Variants in DSCAM observed in about 807,000 individuals in gnomAD.
DSCAM encodes DS cell adhesion molecule.
In DSCAM, 47 loss-of-function variants were observed where a neutral mutation model predicts 217.7. That is an observed-to-expected ratio of 0.22 (90% CI 0.17 to 0.28). The LOEUF (loss-of-function observed/expected upper bound fraction) is 0.28, where lower values mean the gene tolerates loss of function less well. Ranked by LOEUF, DSCAM falls within the 10% of genes least tolerant of loss-of-function variation. The pLI, the probability that DSCAM is intolerant of heterozygous loss-of-function variation, is 1.00. For synonymous variants in DSCAM, 1,056 were observed against 1,015.3 expected, an observed-to-expected ratio of 1.04 and a Z score of -0.76; for missense variants, 2,080 against 2,618.3, an observed-to-expected ratio of 0.79 and a Z score of 4.49.
intron 6 of DSCAM, among the ~76,000 whole-genome samples, chr21:40,347,240 A>T (rs904050620): frequency 2.7e-5 from 4 of 148,472 alleles, no homozygotes; most frequent in African/African-American, 7.6e-5. Context: ...AGAGGTTGTG[A>T]TGAGCTGAGA....
At chr21:40,342,650 T>TATATATATA (rs1569074522) in intron 6 of DSCAM, among the ~76,000 whole-genome samples, 1 of 45,470 alleles carries the variant, frequency 2.2e-5, no homozygotes, top group African/African-American at 7.3e-5. Flanking sequence ...ATATATATAT[T>TATATATATA]TTTTTTTTTT....
Position 40,042,498 on chromosome 21 carries a change from C to G in DSCAM, c.5559G>C (p.Glu1853Asp). The G allele has an allele frequency of 6.2e-7, 1 of 1,614,204 alleles. No homozygotes were observed. The highest frequency in any genetic ancestry group is 8.5e-7 in the Non-Finnish European group (1 of 1,180,040). The part of the protein sequence containing the change: ...SSEQLTAGTN[E>D]YTDSLTSSTP... ...TGCTGGAGGTCAGACTGTCCGTGTA[C>G]TCATTTGTCCCTGCCGTCAACTGCT... The change falls in exon 32 of 33, where the codon GAG becomes GAC. Residue 1853 changes from glutamate (E) to aspartate (D), a missense_variant. Coordinates refer to ENST00000400454, the MANE Select transcript of DSCAM (RefSeq NM_001389.5).
chr21:40,144,400 CG>C lies in DSCAM; in HGVS notation c.3259+90del. The C allele has an allele frequency of 6.4e-7, 1 of 1,558,982 alleles. No homozygotes were observed. The highest frequency in any genetic ancestry group is 2.3e-5 in the East Asian group (1 of 44,254). ...TGCAGGTCACTGCAAAGTCGTGGGG[CG>C]GGGGAGTGCGAGGTTGGGGGAGCCC... On this transcript the variant is annotated intron_variant, in intron 17 of 32. Transcript: ENST00000400454. The surrounding 1 kb of genome is among the most constrained non-coding windows in gnomAD (Gnocchi z 4.8).
chr21:40,615,222 C>A (rs1421648512), intron 3 of DSCAM, among the ~76,000 whole-genome samples: 3 of 138,772 alleles, frequency 2.2e-5, no homozygotes, highest in Non-Finnish European at 1.5e-5. Flanking sequence ...GTGGAGGTTG[C>A]AGTGAGCCAA....
chr21:40,631,291 T>A (rs2089688414), intron 3 of DSCAM, among the ~76,000 whole-genome samples: 1 of 152,196 alleles, frequency 6.6e-6, no homozygotes, highest in Admixed American at 6.5e-5. Flanking sequence ...TGCCAGCAAA[T>A]CTCACCGCTT....
At chr21:40,582,901 G>A (rs1185238860) in intron 3 of DSCAM, among the ~76,000 whole-genome samples, 1 of 152,130 alleles carries the variant, frequency 6.6e-6, no homozygotes, top group Admixed American at 6.5e-5. Context: ...CAAAGGAATT[G>A]CCTTTATATG....
At position 40,084,003 on chromosome 21, in the gene DSCAM, G is replaced by A; in HGVS notation, c.4136C>T (p.Pro1379Leu). 1 of 1,609,710 alleles carries A rather than the reference G, an allele frequency of 6.2e-7. No individual in the cohort carries two copies. Among genetic ancestry groups the A allele is most frequent in the Non-Finnish European group, 8.5e-7 (1 of 1,178,756 alleles). Residue 1379 changes from proline to leucine, a missense_variant, in exon 24 of 33, where the codon CCA (proline) becomes CTA (leucine). Physicochemically the swap from Pro to Leu is moderately conservative, Grantham distance 98. Around this residue, in one of 5 missense-constraint regions of DSCAM, gnomAD observed 1,144 missense variants for 1,421.1 expected, o/e 0.81. Coordinates refer to ENST00000400454, the MANE Select transcript of DSCAM (RefSeq NM_001389.5). ...GACTGTAAGCCGAGGCTGATCTGGTGGAACTGGAGAGGAAACAGTTTTTAG... is the reference window on the plus strand; with the variant it reads ...GACTGTAAGCCGAGGCTGATCTGGTAGAACTGGAGAGGAAACAGTTTTTAG... ...EIILNLQVQV[P>L]PDQPRLTVSK... is the part of the protein sequence containing the mutation.
Position 40,012,631 on chromosome 21 carries a change from C to T in DSCAM, c.*403G>A, listed in dbSNP as rs16999177. On this transcript the variant is annotated 3_prime_UTR_variant, in exon 33 of 33. Coordinates refer to ENST00000400454, the MANE Select transcript of DSCAM (RefSeq NM_001389.5). Reference sequence around the variant, plus strand: ...AACGTGACTGAAGTTTTCCCCTGCCCGCAAATCGGTGTTCCTTTTAAATTC... The same window carrying T: ...AACGTGACTGAAGTTTTCCCCTGCCTGCAAATCGGTGTTCCTTTTAAATTC... 3,658 of 153,320 alleles carry T rather than the reference C, an allele frequency of 0.024. 163 individuals are homozygous for T. Among genetic ancestry groups the T allele is most frequent in the African/African-American group, 0.084 (3,481 of 41,562 alleles). The allele number at this position is 153,320 out of a possible 1,614,324, so 9.5% of individuals were successfully genotyped here. A position where few individuals can be genotyped will look rare whatever the true frequency, so the allele number is the denominator to read the frequency against.
At chr21:40,803,541 C>T (rs1027506374) in intron 1 of DSCAM, among the ~76,000 whole-genome samples, 1 of 152,164 alleles carries the variant, frequency 6.6e-6, no homozygotes, top group Non-Finnish European at 1.5e-5. Flanking sequence ...TCACTGATCT[C>T]GGGCCCCCAG....
At position 40,055,759 on chromosome 21, in the gene DSCAM, A is replaced by G; in HGVS notation, c.5001T>C (p.Leu1667=). The change falls in exon 29 of 33, where the codon CTT becomes CTC. Residue 1667 remains leucine (L), a synonymous_variant. Coordinates refer to ENST00000400454, the MANE Select transcript of DSCAM (RefSeq NM_001389.5). ...CCATCGTGTCTCTCTCTTCAATCAA[A>G]AGCTGAGCCCTGGGTATGTCGATGT... is the stretch of plus-strand genomic sequence containing the variant. ...RMHIDIPRAQ[L]LIEERDTMET... 1.2e-6 allele frequency: 2 copies of G among 1,613,612 alleles called. No homozygotes were observed. Among genetic ancestry groups the G allele is most frequent in the Non-Finnish European group, 8.5e-7 (1 of 1,179,556 alleles).
At chr21:40,030,607 CATAGA>C (rs2088502837) in intron 32 of DSCAM, among the ~76,000 whole-genome samples, 1 of 152,104 alleles carries the variant, frequency 6.6e-6, no homozygotes, top group Non-Finnish European at 1.5e-5. Flanking sequence ...CAAACACTCC[CATAGA>C]ATTTTAGGTT....
intron 3 of DSCAM, among the ~76,000 whole-genome samples, chr21:40,394,906 C>T (rs1310259866): frequency 1.3e-5 from 2 of 152,180 alleles, no homozygotes; most frequent in African/African-American, 4.8e-5. Flanking sequence ...GGGTTTAAAA[C>T]TTTAATCCCA....
intron 6 of DSCAM, among the ~76,000 whole-genome samples, chr21:40,345,039 T>C (rs1329681411): frequency 1.3e-5 from 2 of 152,222 alleles, no homozygotes; most frequent in African/African-American, 4.8e-5. Flanking sequence ...TTCTTCTTCC[T>C]TCTCTAATCT....
At chr21:40,305,519 C>T (rs2074063916) in intron 9 of DSCAM, among the ~76,000 whole-genome samples, 1 of 152,084 alleles carries the variant, frequency 6.6e-6, no homozygotes, top group South Asian at 2.1e-4. Context: ...CTTGCCCATG[C>T]CTATGTCCTA....
rs77259643 is a variant in DSCAM at position 40,421,821 on chromosome 21, C to A, written c.509-52576G>T. 7.2e-3 allele frequency among the ~76,000 whole-genome samples: 1,099 copies of A among 152,334 alleles called. 9 individuals carry two copies. The highest frequency in any genetic ancestry group is 0.037 in the Middle Eastern group (11 of 294). On this transcript the variant is annotated intron_variant, in intron 3 of 32. Coordinates refer to ENST00000400454, the MANE Select transcript of DSCAM (RefSeq NM_001389.5). Reference sequence around the variant, plus strand: ...TCTCTGACAGTGTTGAAACAAATAGCTCCTTGGGAGAGGACATTTCTTTTC... The same window carrying A: ...TCTCTGACAGTGTTGAAACAAATAGATCCTTGGGAGAGGACATTTCTTTTC...
intron 3 of DSCAM, among the ~76,000 whole-genome samples, chr21:40,582,383 T>C (rs1377865551): frequency 1.3e-5 from 2 of 152,088 alleles, no homozygotes; most frequent in African/African-American, 4.8e-5. Flanking sequence ...TGGGACAAAA[T>C]ATACAAATAA....
At chr21:40,354,848 CAAAAAAAAAAAAA>C (rs11314417) in intron 4 of DSCAM, among the ~76,000 whole-genome samples, 29 of 112,368 alleles carry the variant, frequency 2.6e-4, no homozygotes, top group Non-Finnish European at 3.2e-4. Context: ...AACTCTGTCT[CAAAAAAAAAAAAA>C]AAAAAAAAAA....
chr21:40,274,863 T>C (rs1601508087), intron 11 of DSCAM, among the ~76,000 whole-genome samples: 1 of 152,210 alleles, frequency 6.6e-6, no homozygotes, highest in African/African-American at 2.4e-5. Flanking sequence ...CTAAAATAAA[T>C]TCTTCGTGAG....
chr21:40,224,697 A>G (rs1601458524), intron 11 of DSCAM, among the ~76,000 whole-genome samples: 1 of 152,384 alleles, frequency 6.6e-6, no homozygotes. Context: ...TGAAGATTTT[A>G]CAATAGTCAA....
Sources: gnomAD v4.1 joint callset for allele counts (sites outside exome capture counted in the v4.1 genomes callset) on GRCh38, gnomAD v4.1.1 for gene constraint, gnomAD v4.1.1 regional missense constraint, Gnocchi (gnomAD v3.1) non-coding constraint, MANE v1.5 for transcripts, NCBI Gene and HGNC (gene_info 2026-07-23, HGNC 2026-07-21) for gene names.